Variants in CFAP54 observed in about 807,000 individuals in gnomAD.
CFAP54 encodes the protein cilia and flagella associated protein 54.
A neutral mutation model predicts 370.4 loss-of-function variants in CFAP54; 290 were observed. That is an observed-to-expected ratio of 0.78 (90% CI 0.71 to 0.86). The LOEUF (loss-of-function observed/expected upper bound fraction) is 0.86. Among genes scored for constraint, CFAP54 ranks in the 40% least tolerant of loss-of-function variants. The pLI, the probability that CFAP54 is intolerant of heterozygous loss-of-function variation, is 0.00. For missense variants in CFAP54, 3,399 were observed against 3,528.7 expected (o/e 0.96, Z 0.93); for synonymous variants, 1,206 against 1,236.5 (o/e 0.98, Z 0.52).
chr12:96,702,994 A>G (rs1957507281), intron 46 of CFAP54, among the ~76,000 whole-genome samples: 1 of 152,192 alleles, frequency 6.6e-6, no homozygotes, highest in Non-Finnish European at 1.5e-5. Flanking sequence ...AACTCTCTTT[A>G]ATGTATACCA....
At position 96,651,816 on chromosome 12, in the gene CFAP54, G is replaced by A. The variant is rs1956861344; in HGVS notation, c.5100+1G>A. The A allele has an allele frequency of 6.5e-7, 1 of 1,533,008 alleles. No individual in the cohort carries two copies. Among genetic ancestry groups the A allele is most frequent in the South Asian group, 1.1e-5 (1 of 88,552 alleles). The allele number at this position is 1,533,008 out of a possible 1,614,324, so 95.0% of individuals were successfully genotyped here. ...ACTACAAAATACCAGTTCTATTAAG[G>A]TAAAGACACTTTGGTAATTATTTTT... On this transcript the variant is annotated splice_donor_variant, in intron 36 of 67. Transcript: ENST00000524981. LOFTEE classifies it high-confidence loss of function.
intron 63 of CFAP54, among the ~76,000 whole-genome samples, chr12:96,797,444 A>G (rs1047845845): frequency 6.6e-6 from 1 of 151,806 alleles, no homozygotes; most frequent in African/African-American, 2.4e-5. Flanking sequence ...TTTCACTATG[A>G]TTGTCATTGT....
intron 58 of CFAP54, among the ~76,000 whole-genome samples, chr12:96,761,938 C>T (rs1211618154): frequency 6.6e-6 from 1 of 152,120 alleles, no homozygotes; most frequent in Non-Finnish European, 1.5e-5. Flanking sequence ...CTATATTCTT[C>T]CTTTTCAAAA....
chr12:96,545,606 T>A (rs1955632029), intron 14 of CFAP54, among the ~76,000 whole-genome samples: 1 of 152,224 alleles, frequency 6.6e-6, no homozygotes, highest in South Asian at 2.1e-4. Context: ...GAGGAGAGCC[T>A]CCGTGACCCA....
At chr12:96,631,849 T>C (rs533720180) in intron 32 of CFAP54, among the ~76,000 whole-genome samples, 3 of 151,910 alleles carry the variant, frequency 2.0e-5, no homozygotes, top group South Asian at 2.1e-4. Flanking sequence ...TTCTTGTATA[T>C]GTCTCCTTAT....
chr12:96,651,539 C>T (rs1956857389), intron 35 of CFAP54, 49 bp from the exon 36 acceptor site: 1 of 1,442,038 alleles, frequency 6.9e-7, no homozygotes, highest in Non-Finnish European at 9.7e-7. Flanking sequence ...GTTCAGAGAT[C>T]TGTAACTTTT....
intron 3 of CFAP54, among the ~76,000 whole-genome samples, 199 bp downstream of exon 3, chr12:96,504,228 A>G (rs1955064673): frequency 6.6e-6 from 1 of 152,246 alleles, no homozygotes; most frequent in Non-Finnish European, 1.5e-5. Context: ...AGATTAAGTC[A>G]CTGCAGTCAC....
At chr12:96,664,680 T>G (rs1957039063) in intron 39 of CFAP54, among the ~76,000 whole-genome samples, 1 of 135,736 alleles carries the variant, frequency 7.4e-6, no homozygotes, top group South Asian at 2.4e-4. Flanking sequence ...ACAATTTATA[T>G]TCCTTTGGGT....
chr12:96,743,364 C>T (rs1374915525), intron 52 of CFAP54, 38 bp from the exon 53 acceptor site: 4 of 1,603,750 alleles, frequency 2.5e-6, no homozygotes, highest in Non-Finnish European at 3.4e-6. Flanking sequence ...TTCTGACTTT[C>T]TCAATGCATT....
intron 45 of CFAP54, among the ~76,000 whole-genome samples, chr12:96,696,532 A>G (rs1300074655): frequency 1.3e-5 from 2 of 152,148 alleles, no homozygotes; most frequent in African/African-American, 4.8e-5. Flanking sequence ...TTTTTGTCCT[A>G]GAGTAGCATA....
chr12:96,774,324 T>C (rs572644587), intron 60 of CFAP54, among the ~76,000 whole-genome samples: 4 of 152,292 alleles, frequency 2.6e-5, no homozygotes, highest in African/African-American at 9.6e-5. Context: ...AAATTATTAA[T>C]CTTTTTGATA....
At chr12:96,644,804 C>T (rs893628779) in intron 33 of CFAP54, among the ~76,000 whole-genome samples, 1 of 152,164 alleles carries the variant, frequency 6.6e-6, no homozygotes, top group Non-Finnish European at 1.5e-5. Context: ...GATTCAGTTA[C>T]CTCCACCTGG....
At chr12:96,764,902 A>T (rs144932027) in intron 59 of CFAP54, among the ~76,000 whole-genome samples, 175 bp from the exon 60 acceptor site, 3 of 152,326 alleles carry the variant, frequency 2.0e-5, no homozygotes, top group African/African-American at 7.2e-5. Context: ...TTTGACTATG[A>T]TATATTCTAC....
intron 63 of CFAP54, among the ~76,000 whole-genome samples, chr12:96,793,117 T>C (rs1456679878): frequency 1.3e-5 from 2 of 152,118 alleles, no homozygotes; most frequent in African/African-American, 4.8e-5. Context: ...ATAAGTTCTT[T>C]AGTAGTGATT....
intron 46 of CFAP54, among the ~76,000 whole-genome samples, chr12:96,703,283 G>A (rs143001684): frequency 7.2e-5 from 11 of 152,266 alleles, no homozygotes; most frequent in Admixed American, 1.3e-4. Context: ...GAAGGTCACC[G>A]ATATGGGTAA....
At chr12:96,520,192 A>G (rs759323008) in intron 6 of CFAP54, among the ~76,000 whole-genome samples, 3 of 152,120 alleles carry the variant, frequency 2.0e-5, no homozygotes. Flanking sequence ...ACCATTTAAT[A>G]CACTCTATTT....
intron 26 of CFAP54, among the ~76,000 whole-genome samples, chr12:96,616,747 T>G (rs1374758017): frequency 3.9e-5 from 6 of 152,198 alleles, no homozygotes; most frequent in Admixed American, 3.9e-4. Flanking sequence ...AATGCAATAT[T>G]TCAGTTGCCT....
At chr12:96,607,115 A>C (rs1956309695) in intron 26 of CFAP54, among the ~76,000 whole-genome samples, 1 of 152,224 alleles carries the variant, frequency 6.6e-6, no homozygotes, top group South Asian at 2.1e-4. Context: ...AAGAGCAGGA[A>C]ATAATATTTG....
rs529878064 is a variant in CFAP54 at position 96,764,342 on chromosome 12, G to A, written c.8139+93G>A. 7 of 942,656 alleles carry A rather than the reference G, an allele frequency of 7.4e-6. No individual in the cohort carries two copies. The African/African-American group carries it at 1.0e-4, about 14-fold the overall frequency. The allele number at this position is 942,656 out of a possible 1,614,324, so 58.4% of individuals were successfully genotyped here. A position where few individuals can be genotyped will look rare whatever the true frequency, so the allele number is the denominator to read the frequency against. On this transcript the variant is annotated intron_variant, in intron 59 of 67. Coordinates refer to ENST00000524981, the MANE Select transcript of CFAP54 (RefSeq NM_001306084.2). ...CAATATACCTGTAAAAGAGAAAGGA[G>A]TTGGGTGTGATACCTCATGCCTGTT...
Sources: allele counts gnomAD v4.1 joint callset (sites outside exome capture counted in the v4.1 genomes callset), GRCh38; gene constraint gnomAD v4.1.1; transcripts MANE v1.5; gene names NCBI Gene and HGNC (gene_info 2026-07-23, HGNC 2026-07-21).